ZC3H13: variants seen among roughly 807,000 people sequenced by gnomAD.
The protein encoded by ZC3H13 is zinc finger CCCH domain-containing protein 13.
Under a neutral mutation model 204.1 loss-of-function variants are expected in ZC3H13, and 64 were observed. That is an observed-to-expected ratio of 0.31 (90% CI 0.26 to 0.39). ZC3H13 has a LOEUF of 0.39. Among genes scored for constraint, ZC3H13 ranks in the 10% least tolerant of loss-of-function variants. ZC3H13 has a pLI of 1.00. For synonymous variants in ZC3H13, 667 were observed against 693.7 expected (o/e 0.96, Z 0.60); for missense variants, 1,833 against 2,082.7 (o/e 0.88, Z 2.33).
chr13:46,049,813 T>C (rs1393761834), intron 1 of ZC3H13, among the ~76,000 whole-genome samples: 1 of 152,174 alleles, frequency 6.6e-6, no homozygotes, highest in Non-Finnish European at 1.5e-5. Context: ...TGAGAAAAAT[T>C]AGAAACCATA....
chr13:45,963,426 GTT>G (rs540293979), intron 17 of ZC3H13: 18 of 867,268 alleles, frequency 2.1e-5, no homozygotes, highest in East Asian at 1.2e-4. Context: ...TGGTTAATTT[GTT>G]TTTTTTTTTT....
intron 12 of ZC3H13, among the ~76,000 whole-genome samples, chr13:45,973,919 G>A (rs536081992): frequency 3.9e-5 from 6 of 152,142 alleles, no homozygotes; most frequent in Non-Finnish European, 8.8e-5. Flanking sequence ...AGAAAACCAT[G>A]GCTGTAGATT....
Position 45,981,637 on chromosome 13 carries a change from C to A in ZC3H13, c.1721-1633G>T, listed in dbSNP as rs370568266. Among the ~76,000 whole-genome samples the A allele has an allele frequency of 8.5e-3, 1,300 of 152,256 alleles. 18 individuals are homozygous for A. Among genetic ancestry groups the A allele is most frequent in the African/African-American group, 0.029 (1,219 of 41,518 alleles). ...GTGTTCCTATTTCTCCACATCCTCT[C>A]CAGCACCTGTTGTTTCCTGACTTTT... On this transcript the variant is annotated intron_variant, in intron 10 of 18. Transcript: ENST00000679008.
intron 2 of ZC3H13, 68 bp downstream of exon 2, chr13:46,045,323 G>T: frequency 7.5e-7 from 1 of 1,342,000 alleles, no homozygotes; most frequent in Non-Finnish European, 1.1e-6. Context: ...TCACCTTTAT[G>T]ATACAAATAA....
At chr13:45,981,968 T>C (rs888046050) in intron 10 of ZC3H13, among the ~76,000 whole-genome samples, 2 of 151,242 alleles carry the variant, frequency 1.3e-5, no homozygotes, top group Non-Finnish European at 1.5e-5. Context: ...TGTATACATA[T>C]GTAACTAACC....
chr13:46,030,031 C>T (rs1012327995), intron 4 of ZC3H13, among the ~76,000 whole-genome samples: 1 of 152,122 alleles, frequency 6.6e-6, no homozygotes, highest in African/African-American at 2.4e-5. Flanking sequence ...GTATATACCA[C>T]AACCAAGAAG....
rs1951307786 is a variant in ZC3H13, at chr13:45,956,981, A to G, written c.*146T>C. ...TAAGTTGGCCAAAACTAGTGTCTCT[A>G]AAGATCAAAATTCTTCACTCTTTTA... On this transcript the variant is annotated 3_prime_UTR_variant, in exon 19 of 19. Transcript: ENST00000679008. The G allele has an allele frequency of 1.4e-6, 1 of 739,794 alleles. No homozygotes were observed. Among genetic ancestry groups the G allele is most frequent in the African/African-American group, 1.8e-5 (1 of 54,982 alleles). The allele number at this position is 739,794 out of a possible 1,614,324, so 45.8% of individuals were successfully genotyped here.
chr13:46,023,806 T>C (rs1354436336), intron 4 of ZC3H13, among the ~76,000 whole-genome samples: 1 of 152,172 alleles, frequency 6.6e-6, no homozygotes, highest in Admixed American at 6.5e-5. Flanking sequence ...TTATCACAGC[T>C]CCGCTCTGCC....
rs1247894908 is a variant in ZC3H13, at chr13:46,052,593, C to T, written c.-199G>A. The T allele has an allele frequency of 2.5e-6, 1 of 398,740 alleles. No homozygotes were observed. Among genetic ancestry groups the T allele is most frequent in the East Asian group, 3.6e-5 (1 of 28,074 alleles). 24.7% of individuals were successfully genotyped at this position (398,740 alleles called of 1,614,324 possible). A position where few individuals can be genotyped will look rare whatever the true frequency, so the allele number is the denominator to read the frequency against. ...AGGAGCCCCCGGGATGGCTGAGAAGCAGAACCAACCCGCCCGCCGCCTCTC... is the reference window on the plus strand; with the variant it reads ...AGGAGCCCCCGGGATGGCTGAGAAGTAGAACCAACCCGCCCGCCGCCTCTC... On this transcript the variant is annotated 5_prime_UTR_variant, in exon 1 of 19. Transcript: ENST00000679008.
chr13:46,020,399 A>G, intron 5 of ZC3H13, 50 bp downstream of exon 5: 4 of 1,431,148 alleles, frequency 2.8e-6, no homozygotes, highest in Non-Finnish European at 3.9e-6. Flanking sequence ...AAAACTCTAG[A>G]AAGTAAATAA....
chr13:45,982,642 T>G (rs1953749321), intron 10 of ZC3H13, among the ~76,000 whole-genome samples: 1 of 152,130 alleles, frequency 6.6e-6, no homozygotes, highest in African/African-American at 2.4e-5. Flanking sequence ...GGACCACAGG[T>G]GTTTTGGATT....
At chr13:45,970,764 A>ATATATT (rs1952518550) in intron 12 of ZC3H13, among the ~76,000 whole-genome samples, 1 of 152,212 alleles carries the variant, frequency 6.6e-6, no homozygotes, top group Non-Finnish European at 1.5e-5. Flanking sequence ...TGCAGCACAG[A>ATATATT]AACCAATATA....
intron 4 of ZC3H13, 108 bp downstream of exon 4, chr13:46,042,056 T>G: frequency 2.5e-6 from 2 of 814,066 alleles, no homozygotes. Context: ...AACATTATAA[T>G]GCCGTATTAC....
chr13:45,965,167 A>G, intron 16 of ZC3H13, 113 bp downstream of exon 16: 2 of 1,336,726 alleles, frequency 1.5e-6, no homozygotes, highest in East Asian at 2.6e-5. Flanking sequence ...AGTAAAATGT[A>G]AAAGGAAAAA....
chr13:46,007,951 T>G (rs1319266792), intron 7 of ZC3H13, among the ~76,000 whole-genome samples: 1 of 152,190 alleles, frequency 6.6e-6, no homozygotes, highest in Non-Finnish European at 1.5e-5. Flanking sequence ...AGGTAATATA[T>G]TTATGATTTT....
At chr13:45,984,249 T>C (rs1953972234) in intron 10 of ZC3H13, among the ~76,000 whole-genome samples, 1 of 152,246 alleles carries the variant, frequency 6.6e-6, no homozygotes, top group Non-Finnish European at 1.5e-5. Flanking sequence ...GATATATATT[T>C]GCTTGTGTAA....
chr13:45,959,530 A>G lies in ZC3H13; in HGVS notation c.4792T>C (p.Phe1598Leu), dbSNP rs777645177. ...NLGPCCKALC[F>L]RRDSAIRKQL... ...TTTCGAATTGCAGAATCCCGTCTGA[A>G]GCACAACGCCTTACAACATGGGCCA... Residue 1598 changes from phenylalanine to leucine, a missense_variant, in exon 18 of 19, where the codon TTC becomes CTC. Physicochemically the swap from Phe to Leu is conservative, Grantham distance 22 (BLOSUM62 0). Transcript: ENST00000679008. 3 of 1,547,032 alleles carry G rather than the reference A, an allele frequency of 1.9e-6. No individual in the cohort carries two copies. The South Asian group carries it at 3.6e-5, about 19-fold the overall frequency.
At chr13:45,976,074 C>T (rs1051799416) in intron 11 of ZC3H13, 1 of 784,218 alleles carries the variant, frequency 1.3e-6, no homozygotes, top group African/African-American at 1.9e-5. Context: ...TCCCCGTCAA[C>T]CCCCTTCCCC....
intron 7 of ZC3H13, 141 bp from the exon 8 acceptor site, chr13:46,003,477 A>G (rs1593626631): frequency 2.9e-6 from 2 of 681,828 alleles, no homozygotes; most frequent in East Asian, 6.3e-5. Context: ...TCAAGAAGAA[A>G]AAAAAACTAA....
Sources: allele counts gnomAD v4.1 joint callset (sites outside exome capture counted in the v4.1 genomes callset), GRCh38; gene constraint gnomAD v4.1.1; transcripts MANE v1.5; gene names NCBI Gene and HGNC (gene_info 2026-07-23, HGNC 2026-07-21).